The following ZBTB44 variants were observed in gnomAD, a reference collection of about 807,000 sequenced individuals.
ZBTB44 encodes the protein zinc finger and BTB domain containing 44.
ZBTB44 carries 15 observed loss-of-function variants against 54.0 expected under a neutral mutation model. That is an observed-to-expected ratio of 0.28 (90% CI 0.19 to 0.43). ZBTB44 has a LOEUF of 0.43. Ranked by LOEUF, ZBTB44 falls within the 20% of genes least tolerant of loss-of-function variation. ZBTB44 has a pLI of 1.00. For missense variants in ZBTB44, 487 were observed against 707.1 expected, an observed-to-expected ratio of 0.69 and a Z score of 3.53; for synonymous variants, 230 against 250.1, an observed-to-expected ratio of 0.92 and a Z score of 0.76.
chr11:130,246,310 T>C (rs1272968243), intron 2 of ZBTB44, among the ~76,000 whole-genome samples: 1 of 152,142 alleles, frequency 6.6e-6, no homozygotes. Context: ...CACACACATA[T>C]ATATGCACAA....
At chr11:130,257,710 A>G (rs994430625) in intron 2 of ZBTB44, among the ~76,000 whole-genome samples, 1 of 152,222 alleles carries the variant, frequency 6.6e-6, no homozygotes, top group African/African-American at 2.4e-5. Context: ...AAACTCACAC[A>G]GAGGGTAAAA....
chr11:130,277,583 G>A (rs1414705341), intron 1 of ZBTB44, among the ~76,000 whole-genome samples: 1 of 151,792 alleles, frequency 6.6e-6, no homozygotes, highest in Non-Finnish European at 1.5e-5. Flanking sequence ...TTTGTTATGG[G>A]ATCAGCATTA....
Position 130,231,016 on chromosome 11 carries a change from C to T in ZBTB44, c.*748G>A, listed in dbSNP as rs1953857131. ...CTTTAGATACCACAAAGTTACCCTCCTGGCCTTAAGAAAGATAGCTACGTT... is the reference window on the plus strand; with the variant it reads ...CTTTAGATACCACAAAGTTACCCTCTTGGCCTTAAGAAAGATAGCTACGTT... On this transcript the variant is annotated 3_prime_UTR_variant, in exon 8 of 8. Transcript: ENST00000357899. The T allele has an allele frequency of 6.6e-6, 1 of 152,084 alleles. No individual in the cohort carries two copies. Among genetic ancestry groups the T allele is most frequent in the Admixed American group, 6.5e-5 (1 of 15,278 alleles). 9.4% of individuals were successfully genotyped at this position (152,084 alleles called of 1,614,324 possible).
chr11:130,275,928 T>C (rs1940032114), intron 1 of ZBTB44, among the ~76,000 whole-genome samples: 2 of 150,766 alleles, frequency 1.3e-5, no homozygotes, highest in African/African-American at 2.4e-5. Flanking sequence ...GCCAGGTCAT[T>C]TGCATTAAAA....
intron 2 of ZBTB44, among the ~76,000 whole-genome samples, chr11:130,244,972 G>A (rs1407534381): frequency 1.3e-5 from 2 of 152,156 alleles, no homozygotes; most frequent in Non-Finnish European, 2.9e-5. Flanking sequence ...ATTTTGCCTT[G>A]ACTTCTTAAA....
intron 1 of ZBTB44, among the ~76,000 whole-genome samples, chr11:130,295,217 A>C (rs962540393): frequency 6.6e-6 from 1 of 152,204 alleles, no homozygotes; most frequent in Non-Finnish European, 1.5e-5. Flanking sequence ...TGAAGAAACA[A>C]TGAGAGGTAG....
intron 1 of ZBTB44, chr11:130,296,131 C>T: frequency 6.7e-7 from 1 of 1,492,064 alleles, no homozygotes; most frequent in African/African-American, 1.4e-5. Flanking sequence ...ACAGACTATG[C>T]TCTTTTCTGC....
In ZBTB44 at chr11:130,229,034, G is replaced by C. The variant is rs1348264255; in HGVS notation, c.*2730C>G. ...AAACTATTATGCACACAGAAACCTT[G>C]GTATTAGCTGAAGCCGGCCTGGGTC... On this transcript the variant is annotated 3_prime_UTR_variant, in exon 8 of 8. Transcript: ENST00000357899. 6.6e-6 allele frequency: 1 copy of C among 152,110 alleles called. No homozygotes were observed. Among genetic ancestry groups the C allele is most frequent in the African/African-American group, 2.4e-5 (1 of 41,426 alleles). 9.4% of individuals were successfully genotyped at this position (152,110 alleles called of 1,614,324 possible).
rs1328934334 is a variant in ZBTB44, at chr11:130,272,026, T to C, written c.-56-10097A>G. ...CGGGTGGATTACTTGAGGTCAGGAG[T>C]CAAGACCAGCCTGGCCAATATGGTG... On this transcript the variant is annotated intron_variant, in intron 1 of 7. Transcript: ENST00000357899. Among the ~76,000 whole-genome samples, 7 of 151,198 alleles carry C rather than the reference T, an allele frequency of 4.6e-5. No individual in the cohort carries two copies. The East Asian group carries it at 1.2e-3, about 25-fold the overall frequency.
At chr11:130,246,310 T>A (rs1272968243) in intron 2 of ZBTB44, among the ~76,000 whole-genome samples, 1 of 152,142 alleles carries the variant, frequency 6.6e-6, no homozygotes, top group Non-Finnish European at 1.5e-5. Flanking sequence ...CACACACATA[T>A]ATATGCACAA....
intron 1 of ZBTB44, among the ~76,000 whole-genome samples, chr11:130,263,403 A>G (rs1939021416): frequency 6.6e-6 from 1 of 152,208 alleles, no homozygotes; most frequent in Admixed American, 6.5e-5. Context: ...CGTTTTGTTC[A>G]TTTATTGCAT....
intron 1 of ZBTB44, among the ~76,000 whole-genome samples, chr11:130,264,005 G>A (rs1939068156): frequency 6.6e-6 from 1 of 152,202 alleles, no homozygotes; most frequent in African/African-American, 2.4e-5. Context: ...GCATCACAGT[G>A]GAGTGGTTGA....
intron 1 of ZBTB44, among the ~76,000 whole-genome samples, chr11:130,306,878 T>C (rs12278086): frequency 0.033 from 4,977 of 151,944 alleles, 250 homozygotes; most frequent in African/African-American, 0.11. Flanking sequence ...TAACGGACTT[T>C]GGGGACTTGG....
At chr11:130,249,824 T>C (rs1245720503) in intron 2 of ZBTB44, among the ~76,000 whole-genome samples, 2 of 152,176 alleles carry the variant, frequency 1.3e-5, no homozygotes, top group Admixed American at 1.3e-4. Context: ...AGCACAAAAC[T>C]GGGCGGCTGT....
intron 2 of ZBTB44, among the ~76,000 whole-genome samples, chr11:130,248,361 G>T (rs769348146): frequency 2.0e-5 from 3 of 152,234 alleles, no homozygotes. Flanking sequence ...TCATATTGGA[G>T]TTGGGCATGG....
chr11:130,236,552 G>C, intron 5 of ZBTB44: 1 of 386,074 alleles, frequency 2.6e-6, no homozygotes, highest in Admixed American at 4.3e-5. Flanking sequence ...AGGACAAGTA[G>C]TCTACTTCTG....
At chr11:130,288,041 A>C (rs2134333206) in intron 1 of ZBTB44, among the ~76,000 whole-genome samples, 1 of 152,138 alleles carries the variant, frequency 6.6e-6, no homozygotes, top group East Asian at 1.9e-4. Context: ...GGCTTATTGG[A>C]AATCAGCTGA....
intron 1 of ZBTB44, among the ~76,000 whole-genome samples, chr11:130,271,477 G>A (rs1405613339): frequency 6.6e-6 from 1 of 152,198 alleles, no homozygotes; most frequent in African/African-American, 2.4e-5. Flanking sequence ...GTCAACTTGA[G>A]GAGGTTCCCA....
At chr11:130,280,982 G>T (rs914773394) in intron 1 of ZBTB44, among the ~76,000 whole-genome samples, 4 of 152,030 alleles carry the variant, frequency 2.6e-5, no homozygotes, top group Non-Finnish European at 4.4e-5. Context: ...TAGGTTTTTT[G>T]TAATTGCCCT....
Sources: allele counts gnomAD v4.1 joint callset (sites outside exome capture counted in the v4.1 genomes callset), GRCh38; gene constraint gnomAD v4.1.1; transcripts MANE v1.5; gene names NCBI Gene and HGNC (gene_info 2026-07-23, HGNC 2026-07-21).